The following LRRC37A variants were observed in gnomAD, a reference collection of about 807,000 sequenced individuals.
LRRC37A encodes the protein leucine-rich repeat-containing protein 37A.
LRRC37A carries 3 observed loss-of-function variants against 35.4 expected under a neutral mutation model. The observed-to-expected ratio is 0.08, with a 90% CI of 0.04 to 0.22. The LOEUF is 0.22. Among genes scored for constraint, LRRC37A ranks in the 10% least tolerant of loss-of-function variants. The pLI is 1.00. For synonymous variants in LRRC37A, 23 were observed against 215.0 expected, an observed-to-expected ratio of 0.11 and a Z score of 7.81; for missense variants, 67 against 565.3, an observed-to-expected ratio of 0.12 and a Z score of 8.94.
the LRRC37A span, among the ~76,000 whole-genome samples, chr17:46,283,394 C>T: frequency 0.057 from 7,438 of 131,322 alleles, no homozygotes; most frequent in Middle Eastern, 0.096. Context: ...ATCTTATGGG[C>T]CTATAATGAA....
At chr17:46,316,289 A>G (rs1041780786) in intron 5 of LRRC37A, among the ~76,000 whole-genome samples, 1 of 17,626 alleles carries the variant, frequency 5.7e-5, no homozygotes, top group African/African-American at 1.4e-4. Context: ...TTCTAGCAAC[A>G]AAGTCTCTCA....
the LRRC37A span, among the ~76,000 whole-genome samples, chr17:46,262,757 C>T: frequency 6.6e-5 from 10 of 150,512 alleles, no homozygotes; most frequent in Non-Finnish European, 1.2e-4. Context: ...TGCACTCCAG[C>T]CTGGGCAACA....
the LRRC37A span, among the ~76,000 whole-genome samples, chr17:46,254,707 AT>A: frequency 6.3e-4 from 91 of 144,044 alleles, no homozygotes; most frequent in Middle Eastern, 7.2e-3. Flanking sequence ...GCGCCTGGCA[AT>A]TTTTTTTTTT....
chr17:46,248,208 G>T, the LRRC37A span, among the ~76,000 whole-genome samples: 1 of 151,654 alleles, frequency 6.6e-6, no homozygotes, highest in Non-Finnish European at 1.5e-5. Context: ...GCGTTTTTAG[G>T]TTTGTTTTAT....
At chr17:46,264,378 T>C in the LRRC37A span, among the ~76,000 whole-genome samples, 3 of 152,362 alleles carry the variant, frequency 2.0e-5, no homozygotes, top group Admixed American at 2.0e-4. Flanking sequence ...GTCTCTTGGG[T>C]TCTTCCTCCC....
the LRRC37A span, chr17:46,268,768 G>A: frequency 9.0e-7 from 1 of 1,111,602 alleles, no homozygotes; most frequent in Non-Finnish European, 1.2e-6. Flanking sequence ...TTCATGTAAT[G>A]GGTCCTCCTT....
At chr17:46,291,225 A>G (rs1164691592), upstream of LRRC37A, among the ~76,000 whole-genome samples, 1 of 152,254 alleles carries the variant, frequency 6.6e-6, no homozygotes, top group Non-Finnish European at 1.5e-5. Flanking sequence ...GGGAGAACCA[A>G]GATGGTATAG....
At chr17:46,259,019 A>ATTTTTTTCTTTTTTTTTT in the LRRC37A span, among the ~76,000 whole-genome samples, 1 of 79,468 alleles carries the variant, frequency 1.3e-5, no homozygotes, top group African/African-American at 6.3e-5. Flanking sequence ...CACCCGGCCT[A>ATTTTTTTCTTTTTTTTTT]TTTTTTTTTT....
chr17:46,277,576 AG>A, the LRRC37A span, among the ~76,000 whole-genome samples: 3 of 152,086 alleles, frequency 2.0e-5, no homozygotes, highest in African/African-American at 4.8e-5. Context: ...TCTGAAATCC[AG>A]GCTCCCTATG....
chr17:46,271,302 A>T, the LRRC37A span, among the ~76,000 whole-genome samples: 4 of 148,084 alleles, frequency 2.7e-5, no homozygotes, highest in East Asian at 8.1e-4. Flanking sequence ...AGTAGCTGGG[A>T]TTACAGGCAT....
At chr17:46,254,591 G>A in the LRRC37A span, among the ~76,000 whole-genome samples, 1 of 151,344 alleles carries the variant, frequency 6.6e-6, no homozygotes, top group Admixed American at 6.6e-5. Flanking sequence ...GCCCAGGCTA[G>A]AGTGCAGTGG....
At chr17:46,251,424 A>G in the LRRC37A span, among the ~76,000 whole-genome samples, 1 of 151,938 alleles carries the variant, frequency 6.6e-6, no homozygotes, top group Non-Finnish European at 1.5e-5. Context: ...ACGCCTGGCT[A>G]ATTTTGTATT....
the LRRC37A span, among the ~76,000 whole-genome samples, chr17:46,249,346 T>C: frequency 0.065 from 8,669 of 134,208 alleles, no homozygotes; most frequent in Non-Finnish European, 0.1. Context: ...GAGTCTCCTT[T>C]ACACTTGCTG....
intron 5 of LRRC37A, among the ~76,000 whole-genome samples, chr17:46,314,789 C>G (rs2050981309): frequency 1.2e-5 from 1 of 82,054 alleles, no homozygotes; most frequent in African/African-American, 3.1e-5. Flanking sequence ...GTAAGAAATA[C>G]TGGTCTGTAA....
the LRRC37A span, among the ~76,000 whole-genome samples, chr17:46,258,688 A>G: frequency 0.93 from 139,159 of 149,246 alleles, 65,716 homozygotes; most frequent in East Asian, 1. Context: ...CAACCTGGAC[A>G]GGATTGGAGA....
At chr17:46,279,072 A>G in the LRRC37A span, among the ~76,000 whole-genome samples, 1 of 152,188 alleles carries the variant, frequency 6.6e-6, no homozygotes, top group Admixed American at 6.5e-5. Flanking sequence ...TGTTGGGATT[A>G]TAGGCATAAG....
the LRRC37A span, chr17:46,268,365 G>A: frequency 2.8e-6 from 2 of 702,708 alleles, no homozygotes; most frequent in African/African-American, 4.1e-5. Flanking sequence ...TTTCCACCTT[G>A]CCTGTAGACT....
chr17:46,250,826 T>G, the LRRC37A span, among the ~76,000 whole-genome samples: 176 of 152,100 alleles, frequency 1.2e-3, no homozygotes, highest in African/African-American at 3.3e-3. Flanking sequence ...CCCCAGAGTC[T>G]TCTTCTTCTC....
chr17:46,255,363 CTTTTTTT>C, the LRRC37A span, among the ~76,000 whole-genome samples: 13 of 126,262 alleles, frequency 1.0e-4, no homozygotes, highest in African/African-American at 2.7e-4. Context: ...TCCCCAAATT[CTTTTTTT>C]TTTTTTTTTT....
Sources: allele counts gnomAD v4.1 joint callset (sites outside exome capture counted in the v4.1 genomes callset), GRCh38; gene constraint gnomAD v4.1.1; transcripts MANE v1.5; gene names NCBI Gene and HGNC (gene_info 2026-07-23, HGNC 2026-07-21).